PPIL2: variants seen among roughly 807,000 people sequenced by gnomAD.
PPIL2 encodes the protein peptidylprolyl isomerase like 2.
Under a neutral mutation model 75.2 loss-of-function variants are expected in PPIL2, and 50 were observed. That is an observed-to-expected ratio of 0.66 (90% CI 0.53 to 0.84). PPIL2 has a LOEUF of 0.84. Among genes scored for constraint, PPIL2 ranks in the 40% least tolerant of loss-of-function variants. The pLI, the probability that PPIL2 is intolerant of heterozygous loss-of-function variation, is 0.00. For synonymous variants in PPIL2, 245 were observed against 258.8 expected (o/e 0.95, Z 0.51); for missense variants, 590 against 685.0 (o/e 0.86, Z 1.55).
At chr22:21,683,689 G>A (rs2067225483) in intron 9 of PPIL2, among the ~76,000 whole-genome samples, 1 of 152,198 alleles carries the variant, frequency 6.6e-6, no homozygotes. Flanking sequence ...CTGAGCACGT[G>A]AACTGGGGAA....
chr22:21,670,465 C>T, intron 2 of PPIL2, 101 bp from the exon 3 acceptor site: 1 of 1,491,102 alleles, frequency 6.7e-7, no homozygotes, highest in Non-Finnish European at 9.3e-7. Context: ...TAAAAATTTG[C>T]ATGAACTTTT....
intron 9 of PPIL2, among the ~76,000 whole-genome samples, chr22:21,684,288 T>TCAGACCATCCTGGCTAACATG (rs2067248703): frequency 3.0e-5 from 1 of 32,996 alleles, no homozygotes; most frequent in South Asian, 8.4e-4. Flanking sequence ...GTTACAAGAT[T>TCAGACCATCCTGGCTAACATG]GTAACACAAA....
chr22:21,668,806 G>T (rs1437282247), intron 1 of PPIL2, among the ~76,000 whole-genome samples: 2 of 148,334 alleles, frequency 1.3e-5, no homozygotes, highest in East Asian at 4.2e-4. Context: ...CCGCCTCCCG[G>T]GTTCATGCCA....
At chr22:21,687,840 C>A in intron 13 of PPIL2, 108 bp downstream of exon 13, 1 of 1,185,898 alleles carries the variant, frequency 8.4e-7, no homozygotes, top group Non-Finnish European at 1.2e-6. Flanking sequence ...CCACGGTGGC[C>A]AGGATGAGTC....
Position 21,688,199 on chromosome 22 carries a change from A to G in PPIL2, c.1021+93A>G, listed in dbSNP as rs541745969. The G allele has an allele frequency of 4.9e-5, 74 of 1,502,464 alleles. No homozygotes were observed. The African/African-American group carries it at 9.9e-4, about 20-fold the overall frequency. 93.1% of individuals were successfully genotyped at this position (1,502,464 alleles called of 1,614,324 possible). ...GGCAGGGGTTGTGCACAGCTCAGAC[A>G]TGGAATCTGCTAGACCAGGGTGGAA... On this transcript the variant is annotated intron_variant, in intron 14 of 19. Transcript: ENST00000398831.
In PPIL2 at chr22:21,688,847, A is replaced by G. The variant is rs761653422; in HGVS notation, c.1137A>G (p.Gln379=). ...ANSGPNSNRS[Q]FFITFRSCAY... ...CCGGGCCCAACAGCAACAGGTCTCA[A>G]TTGTGAGTCAGCTGGGCTTGCTGGG... Residue 379 remains glutamine (Q), a splice_region_variant and synonymous_variant, in exon 15 of 20, where the codon CAA becomes CAG. Transcript: ENST00000398831. 1.2e-6 allele frequency: 2 copies of G among 1,613,540 alleles called. No individual in the cohort carries two copies. The highest frequency in any genetic ancestry group is 1.7e-5 in the Admixed American group (1 of 60,022).
rs992660816 is a variant in PPIL2, at chr22:21,684,252, G to A, written c.554-501G>A. Among the ~76,000 whole-genome samples the A allele has an allele frequency of 3.0e-5, 4 of 134,840 alleles. No homozygotes were observed. The East Asian group carries it at 6.2e-4, about 21-fold the overall frequency. The allele number at this position is 134,840 out of a possible 152,430, so 88.5% of individuals were successfully genotyped here. A position where few individuals can be genotyped will look rare whatever the true frequency, so the allele number is the denominator to read the frequency against. ...TCACGCCTGTAATCCCAGCACTTTG[G>A]GAGGCTGAGGCAGGCGGATCACGAG... is the stretch of plus-strand genomic sequence containing the variant. On this transcript the variant is annotated intron_variant, in intron 9 of 19. Coordinates refer to ENST00000398831, the MANE Select transcript of PPIL2 (RefSeq NM_014337.4).
At position 21,675,719 on chromosome 22, in the gene PPIL2, G is replaced by A. The variant is rs185001886; in HGVS notation, c.295+604G>A. On this transcript the variant is annotated intron_variant, in intron 6 of 19. Transcript: ENST00000398831. ...GCATGGGCCCCCTCTGGCTGAGGCT[G>A]TGGTCTGTTTGTTGTTGGAGGCAGA... is the stretch of plus-strand genomic sequence containing the variant. Among the ~76,000 whole-genome samples, 158 of 152,360 alleles carry A rather than the reference G, an allele frequency of 1.0e-3. 1 individual carries two copies. Among genetic ancestry groups the A allele is most frequent in the African/African-American group, 3.7e-3 (153 of 41,578 alleles).
intron 1 of PPIL2, 57 bp downstream of exon 1, chr22:21,666,188 C>G (rs777450686): frequency 1.3e-6 from 2 of 1,553,786 alleles, no homozygotes. Context: ...AACCGCCTGT[C>G]CCGCACTGCG....
chr22:21,670,312 C>G, intron 2 of PPIL2: 1 of 1,494,922 alleles, frequency 6.7e-7, no homozygotes, highest in Non-Finnish European at 8.9e-7. Flanking sequence ...TCAAAACTAT[C>G]AAGACTACAA....
chr22:21,683,312 C>G, intron 9 of PPIL2, 55 bp downstream of exon 9: 1 of 1,470,116 alleles, frequency 6.8e-7, no homozygotes, highest in Non-Finnish European at 9.5e-7. Context: ...GAAATTGGGA[C>G]AGTGCTCCCT....
chr22:21,683,221 T>C lies in PPIL2; in HGVS notation c.517T>C (p.Tyr173His). 3.1e-6 allele frequency: 5 copies of C among 1,613,668 alleles called. No individual in the cohort carries two copies. The highest frequency in any genetic ancestry group is 4.2e-6 in the Non-Finnish European group (5 of 1,179,538). The change falls in exon 9 of 20, where the codon TAT becomes CAT. Residue 173 changes from tyrosine (Y) to histidine (H), a missense_variant. Tyr to His is a moderately conservative substitution (Grantham distance 83). Coordinates refer to ENST00000398831, the MANE Select transcript of PPIL2 (RefSeq NM_014337.4). Reference protein sequence around the residue: ...NLDKFNVSNFYHVKNNMKIID... With the variant: ...NLDKFNVSNFHHVKNNMKIID... ...GGACAAGTTCAATGTCTCTAACTTC[T>C]ATCATGTGAAGAATAACATGAAAAT...
chr22:21,666,277 T>C lies in PPIL2; in HGVS notation c.32+146T>C, dbSNP rs113080640. ...TCCTCCCGGAAGCTGCCGCCCTGTCTCCAGTCAGGGTAATGACCCTCGGGC... is the reference window on the plus strand; with the variant it reads ...TCCTCCCGGAAGCTGCCGCCCTGTCCCCAGTCAGGGTAATGACCCTCGGGC... On this transcript the variant is annotated intron_variant, in intron 1 of 19. Coordinates refer to ENST00000398831, the MANE Select transcript of PPIL2 (RefSeq NM_014337.4). 3.0e-6 allele frequency: 3 copies of C among 995,262 alleles called. No homozygotes were observed. The South Asian group carries it at 5.4e-5, about 18-fold the overall frequency. 61.7% of individuals were successfully genotyped at this position (995,262 alleles called of 1,614,324 possible). A position where few individuals can be genotyped will look rare whatever the true frequency, so the allele number is the denominator to read the frequency against.
At chr22:21,686,781 C>T in intron 11 of PPIL2, 111 bp from the exon 12 acceptor site, 1 of 1,174,790 alleles carries the variant, frequency 8.5e-7, no homozygotes. Flanking sequence ...CCCCTGCTCT[C>T]CCCAGAGCTG....
At position 21,671,106 on chromosome 22, in the gene PPIL2, C is replaced by T. The variant is rs993951707; in HGVS notation, c.191+47C>T. The T allele has an allele frequency of 3.9e-6, 6 of 1,554,370 alleles. No individual in the cohort carries two copies. In the African/African-American group the frequency reaches 4.1e-5, roughly 11 times the overall value. On this transcript the variant is annotated intron_variant, in intron 4 of 19. Transcript: ENST00000398831. ...GATCTAACAAATGTGAGATTCTCAACACCCATTAAGGAAGGGGACCCTTGG... is the reference window on the plus strand; with the variant it reads ...GATCTAACAAATGTGAGATTCTCAATACCCATTAAGGAAGGGGACCCTTGG...
At chr22:21,671,140 G>A (rs2066617611) in intron 4 of PPIL2, 81 bp downstream of exon 4, 1 of 1,370,964 alleles carries the variant, frequency 7.3e-7, no homozygotes, top group Non-Finnish European at 1.0e-6. Context: ...GGTACCCTTG[G>A]GTAGGGCTCT....
At chr22:21,694,374 A>C (rs889937828) in intron 16 of PPIL2, among the ~76,000 whole-genome samples, 13 of 151,904 alleles carry the variant, frequency 8.6e-5, no homozygotes, top group African/African-American at 3.1e-4. Context: ...GAAACCAAAA[A>C]AAAAACAAAA....
chr22:21,668,936 C>T (rs569206353), intron 1 of PPIL2, among the ~76,000 whole-genome samples: 1 of 151,780 alleles, frequency 6.6e-6, no homozygotes, highest in East Asian at 2.0e-4. Context: ...TGGTCTCCAT[C>T]TCCTGACCTG....
At chr22:21,695,286 G>T in intron 19 of PPIL2, 108 bp from the exon 20 acceptor site, 1 of 1,358,378 alleles carries the variant, frequency 7.4e-7, no homozygotes. Context: ...TGTGGGAGCA[G>T]CAGGTGGGAG....
Sources: gnomAD v4.1 joint callset for allele counts (sites outside exome capture counted in the v4.1 genomes callset) on GRCh38, gnomAD v4.1.1 for gene constraint, MANE v1.5 for transcripts, NCBI Gene and HGNC (gene_info 2026-07-23, HGNC 2026-07-21) for gene names.